The following DGCR2 variants were observed in gnomAD, a reference collection of about 807,000 sequenced individuals.
The protein encoded by DGCR2 is integral membrane protein DGCR2/IDD.
DGCR2 carries 24 observed loss-of-function variants against 51.6 expected under a neutral mutation model. The observed-to-expected ratio is 0.47, with a 90% CI of 0.34 to 0.65. The LOEUF (loss-of-function observed/expected upper bound fraction) is 0.65. Ranked by LOEUF, DGCR2 falls within the 30% of genes least tolerant of loss-of-function variation. DGCR2 has a pLI of 0.01. For missense variants in DGCR2, 765 were observed against 772.1 expected, an observed-to-expected ratio of 0.99 and a Z score of 0.11; for synonymous variants, 340 against 315.4, an observed-to-expected ratio of 1.08 and a Z score of -0.82.
intron 1 of DGCR2, among the ~76,000 whole-genome samples, chr22:19,095,517 C>T (rs989829216): frequency 1.1e-4 from 16 of 151,836 alleles, no homozygotes; most frequent in Admixed American, 3.9e-4. Context: ...AAAAATTAGC[C>T]GGGCGTGGTG....
chr22:19,085,323 C>T (rs2083003031), intron 2 of DGCR2, among the ~76,000 whole-genome samples: 1 of 152,216 alleles, frequency 6.6e-6, no homozygotes, highest in Non-Finnish European at 1.5e-5. Context: ...GGTTAGGAAA[C>T]TGCAAAAATC....
intron 5 of DGCR2, among the ~76,000 whole-genome samples, chr22:19,062,637 C>T (rs2082678511): frequency 6.6e-6 from 1 of 151,952 alleles, no homozygotes; most frequent in Non-Finnish European, 1.5e-5. Flanking sequence ...TCGCCAGTGC[C>T]AGGGCAATGG....
chr22:19,048,920 G>C (rs760669474), intron 6 of DGCR2, among the ~76,000 whole-genome samples: 3 of 152,216 alleles, frequency 2.0e-5, no homozygotes, highest in African/African-American at 4.8e-5. Flanking sequence ...CCTGGGGAAC[G>C]AACAAGGCAA....
intron 1 of DGCR2, among the ~76,000 whole-genome samples, chr22:19,119,733 C>A (rs991329535): frequency 2.3e-5 from 2 of 88,192 alleles, no homozygotes; most frequent in Non-Finnish European, 4.2e-5. Flanking sequence ...AGGACTCTGT[C>A]TCAAAAAAAA....
intron 9 of DGCR2, 143 bp from the exon 10 acceptor site, chr22:19,039,264 C>A: frequency 9.8e-7 from 1 of 1,018,646 alleles, no homozygotes. Context: ...GGGTGGCTCC[C>A]CCGGGCCTCA....
At chr22:19,088,947 A>T (rs1449150776) in intron 2 of DGCR2, among the ~76,000 whole-genome samples, 1 of 152,138 alleles carries the variant, frequency 6.6e-6, no homozygotes, top group Non-Finnish European at 1.5e-5. Flanking sequence ...TGAATGAGTG[A>T]GCAGGAGGGG....
chr22:19,048,432 A>C lies in DGCR2; in HGVS notation c.1006+8T>G. 1 of 1,614,070 alleles carries C rather than the reference A, an allele frequency of 6.2e-7. No homozygotes were observed. The highest frequency in any genetic ancestry group is 2.2e-5 in the East Asian group (1 of 44,878). On this transcript the variant is annotated splice_region_variant and intron_variant, in intron 7 of 9. Transcript: ENST00000263196. ...GGCTGACTTGGGACGTCCTATCAAG[A>C]GTCTCACCTGGGTCCAGACACATGA...
chr22:19,062,803 T>TCTCTCTCTCTCTCTCC lies in DGCR2; in HGVS notation c.625+398_625+399insGGAGAGAGAGAGAGAG, dbSNP rs2082693270. Among the ~76,000 whole-genome samples the TCTCTCTCTCTCTCTCC allele has an allele frequency of 1.3e-5, 2 of 149,012 alleles. 1 individual carries two copies. Among genetic ancestry groups the TCTCTCTCTCTCTCTCC allele is most frequent in the Non-Finnish European group, 3.0e-5 (2 of 66,154 alleles). On this transcript the variant is annotated intron_variant, in intron 5 of 9. Coordinates refer to ENST00000263196, the MANE Select transcript of DGCR2 (RefSeq NM_005137.3). ...CACTCTCTCTCTCTCTCTCTCTCTCTCTCTATCTGCCTGATAGTTTCCTTC... is the reference window on the plus strand; with the variant it reads ...CACTCTCTCTCTCTCTCTCTCTCTCTCTCTCTCTCTCTCTCCCTCTATCTGCCTGATAGTTTCCTTC...
chr22:19,114,115 C>T, intron 1 of DGCR2, among the ~76,000 whole-genome samples: 1 of 145,840 alleles, frequency 6.9e-6, no homozygotes, highest in Non-Finnish European at 1.5e-5. Context: ...TGCCCCGACC[C>T]ATTCCCACCT....
chr22:19,109,845 G>A (rs1230397227), intron 1 of DGCR2, among the ~76,000 whole-genome samples: 2 of 152,164 alleles, frequency 1.3e-5, no homozygotes, highest in African/African-American at 4.8e-5. Context: ...TATAAAATAC[G>A]GAGGGATTTA....
At chr22:19,107,834 A>C (rs2083274458) in intron 1 of DGCR2, among the ~76,000 whole-genome samples, 1 of 152,248 alleles carries the variant, frequency 6.6e-6, no homozygotes, top group Admixed American at 6.5e-5. Context: ...TGTAAACATC[A>C]GCCAGCAGTT....
intron 1 of DGCR2, among the ~76,000 whole-genome samples, chr22:19,113,444 C>A (rs2083339027): frequency 6.6e-6 from 1 of 152,002 alleles, no homozygotes; most frequent in African/African-American, 2.4e-5. Context: ...TATGCACACA[C>A]CTCTTGGGCT....
At chr22:19,111,649 T>C (rs1399706648) in intron 1 of DGCR2, among the ~76,000 whole-genome samples, 1 of 151,816 alleles carries the variant, frequency 6.6e-6, no homozygotes, top group Non-Finnish European at 1.5e-5. Context: ...CAGGCCAACC[T>C]CAGCCCCTGC....
intron 8 of DGCR2, 199 bp from the exon 9 acceptor site, chr22:19,041,493 A>C: frequency 1.6e-6 from 1 of 609,812 alleles, no homozygotes; most frequent in East Asian, 2.8e-5. Context: ...CCCTCACCAC[A>C]CCAACCTGTC....
At position 19,064,924 on chromosome 22, in the gene DGCR2, C is replaced by T. The variant is rs745998274; in HGVS notation, c.472G>A (p.Asp158Asn). 1.9e-6 allele frequency: 3 copies of T among 1,614,012 alleles called. No homozygotes were observed. The part of the protein sequence containing the change: ...LNGSLATFST[D>N]QELRFVLAQE... ...GCCAGGACAAAGCGCAGCTCCTGGT[C>T]AGTGGAGAAGGTGGCGAGAGAGCCA... The change falls in exon 4 of 10, where the codon GAC becomes AAC. Residue 158 changes from aspartate to asparagine, a missense_variant. Asp to Asn is a conservative substitution (Grantham distance 23). This residue lies in a region of DGCR2 where 370 missense variants were observed against 325.5 expected (regional missense o/e 1.14). Transcript: ENST00000263196.
intron 7 of DGCR2, among the ~76,000 whole-genome samples, chr22:19,044,678 T>A (rs1384110374): frequency 6.6e-6 from 1 of 152,242 alleles, no homozygotes; most frequent in Non-Finnish European, 1.5e-5. Context: ...TACTTTAGCC[T>A]TTCGAGCAGG....
At chr22:19,052,887 T>C (rs1313923202) in intron 6 of DGCR2, among the ~76,000 whole-genome samples, 2 of 152,176 alleles carry the variant, frequency 1.3e-5, no homozygotes, top group African/African-American at 4.8e-5. Flanking sequence ...TATGATTCCA[T>C]TTATAGAACA....
intron 3 of DGCR2, 30 bp downstream of exon 3, chr22:19,068,070 T>G (rs2082769706): frequency 2.0e-6 from 3 of 1,531,914 alleles, no homozygotes; most frequent in Admixed American, 4.0e-5. Context: ...CACTCCCCAG[T>G]GTCCCAGTCA....
At chr22:19,110,366 A>G (rs1320226492) in intron 1 of DGCR2, among the ~76,000 whole-genome samples, 1 of 152,184 alleles carries the variant, frequency 6.6e-6, no homozygotes, top group Non-Finnish European at 1.5e-5. Flanking sequence ...GTGTGGACAC[A>G]GCAGGGGTGG....
Sources: allele counts gnomAD v4.1 joint callset (sites outside exome capture counted in the v4.1 genomes callset), GRCh38; gene constraint gnomAD v4.1.1; regional missense constraint gnomAD v4.1.1; transcripts MANE v1.5; gene names NCBI Gene and HGNC (gene_info 2026-07-23, HGNC 2026-07-21).